The following MTUS2 variants were observed in gnomAD, a reference collection of about 807,000 sequenced individuals.
MTUS2 encodes the protein microtubule-associated tumor suppressor candidate 2.
Under a neutral mutation model 114.1 loss-of-function variants are expected in MTUS2, and 40 were observed. That is an observed-to-expected ratio of 0.35 (90% CI 0.27 to 0.46). The LOEUF (loss-of-function observed/expected upper bound fraction) is 0.46, where lower values mean the gene tolerates loss of function less well. MTUS2 is among the 20% of genes least tolerant of loss of function. MTUS2 has a pLI of 1.00. For missense variants in MTUS2, 1,679 were observed against 1,705.4 expected, an observed-to-expected ratio of 0.98 and a Z score of 0.27; for synonymous variants, 688 against 672.0, an observed-to-expected ratio of 1.02 and a Z score of -0.37.
Position 29,193,520 on chromosome 13 carries a change from G to C in MTUS2, c.2645-88184G>C, listed in dbSNP as rs374250773. ...TGCTTCAAAGAGAATAAAATACCTA[G>C]GAATCCAACTTACAAGGGACGTGAA... On this transcript the variant is annotated intron_variant, in intron 5 of 15. Transcript: ENST00000612955. Among the ~76,000 whole-genome samples, 48 of 152,178 alleles carry C rather than the reference G, an allele frequency of 3.2e-4. No homozygotes were observed. The East Asian group carries it at 6.0e-3, about 19-fold the overall frequency.
chr13:28,905,344 G>A (rs978698067), intron 2 of MTUS2, among the ~76,000 whole-genome samples: 10 of 151,466 alleles, frequency 6.6e-5, no homozygotes, highest in Non-Finnish European at 1.5e-4. Context: ...CTTTTCGAAG[G>A]GAATGCTTCC....
rs1893188984 is a variant in MTUS2, at chr13:29,163,550, G to A, written c.2644+62580G>A. Among the ~76,000 whole-genome samples, 4 of 152,170 alleles carry A rather than the reference G, an allele frequency of 2.6e-5. No homozygotes were observed. The South Asian group carries it at 8.3e-4, about 32-fold the overall frequency. On this transcript the variant is annotated intron_variant, in intron 5 of 15. Transcript: ENST00000612955. ...TGCATATGTGTTCACGTGTGTGCATGTATGTGTTGAGTGTTCACTTGTCCA... is the reference window on the plus strand; with the variant it reads ...TGCATATGTGTTCACGTGTGTGCATATATGTGTTGAGTGTTCACTTGTCCA...
chr13:29,428,980 GT>G, intron 8 of MTUS2: 1 of 1,376,154 alleles, frequency 7.3e-7, no homozygotes, highest in South Asian at 1.2e-5. Context: ...CTCGGTGCCT[GT>G]CCCCCTAGCA....
At chr13:29,382,523 G>T (rs541740855) in intron 8 of MTUS2, among the ~76,000 whole-genome samples, 82 of 152,262 alleles carry the variant, frequency 5.4e-4, no homozygotes, top group African/African-American at 1.9e-3. Context: ...TAGGTCTTTG[G>T]CCCAAAAGAG....
intron 5 of MTUS2, among the ~76,000 whole-genome samples, chr13:29,141,620 A>G (rs960702227): frequency 1.3e-5 from 2 of 152,204 alleles, no homozygotes; most frequent in Non-Finnish European, 2.9e-5. Flanking sequence ...CATACTTAAT[A>G]AGGATAATGT....
rs186455185 is a variant in MTUS2 at position 29,226,296 on chromosome 13, T to G, written c.2645-55408T>G. On this transcript the variant is annotated intron_variant, in intron 5 of 15. Transcript: ENST00000612955. The stretch of plus-strand genomic sequence containing the variant: ...AGGTTTCACCAAATAATATTTGACA[T>G]GTACAGTGAAATTTAACTGCTAAAC... Among the ~76,000 whole-genome samples the G allele has an allele frequency of 2.1e-4, 32 of 152,372 alleles. No homozygotes were observed. In the Middle Eastern group the frequency reaches 0.01, roughly 49 times the overall value.
At chr13:29,257,868 A>AG (rs1897331418) in intron 5 of MTUS2, among the ~76,000 whole-genome samples, 1 of 152,206 alleles carries the variant, frequency 6.6e-6, no homozygotes, top group Non-Finnish European at 1.5e-5. Context: ...GCTTTCCACT[A>AG]GGCAGATGGC....
chr13:29,345,851 T>G (rs111296105), intron 7 of MTUS2, among the ~76,000 whole-genome samples: 11,125 of 152,216 alleles, frequency 0.073, 1,373 homozygotes, highest in African/African-American at 0.25. Context: ...GGGTGCTCCC[T>G]TGATGTGGTG....
At chr13:28,937,151 G>A (rs113704607) in intron 2 of MTUS2, among the ~76,000 whole-genome samples, 3,628 of 150,966 alleles carry the variant, frequency 0.024, 137 homozygotes, top group African/African-American at 0.08. Flanking sequence ...GGAACTTGGA[G>A]AACTTTTCTG....
At chr13:28,959,693 A>T (rs1883233069) in intron 2 of MTUS2, among the ~76,000 whole-genome samples, 1 of 151,916 alleles carries the variant, frequency 6.6e-6, no homozygotes. Flanking sequence ...TTCCAAGTGA[A>T]CTCATAGAGT....
chr13:28,890,250 GTTA>G (rs1212363676), intron 2 of MTUS2, among the ~76,000 whole-genome samples: 1 of 152,150 alleles, frequency 6.6e-6, no homozygotes, highest in African/African-American at 2.4e-5. Flanking sequence ...TGATTTGAGT[GTTA>G]TTATAGCCAT....
chr13:28,859,164 A>T (rs1318907550), intron 2 of MTUS2, among the ~76,000 whole-genome samples: 1 of 152,034 alleles, frequency 6.6e-6, no homozygotes, highest in African/African-American at 2.4e-5. Context: ...CATTTTACAG[A>T]AGGAGAAGTT....
In MTUS2 at chr13:29,148,552, C is replaced by T. The variant is rs1427724728; in HGVS notation, c.2644+47582C>T. ...GGAGTGCAGTGGTGGGACCTCGGCT[C>T]ACTGCAAGCTCCGCCTCCCGGGTTC... On this transcript the variant is annotated intron_variant, in intron 5 of 15. Transcript: ENST00000612955. 3.1e-5 allele frequency among the ~76,000 whole-genome samples: 2 copies of T among 65,314 alleles called. 1 individual carries two copies. The highest frequency in any genetic ancestry group is 8.7e-5 in the Non-Finnish European group (2 of 22,874). The allele number at this position is 65,314 out of a possible 152,430, so 42.8% of individuals were successfully genotyped here.
intron 9 of MTUS2, among the ~76,000 whole-genome samples, chr13:29,475,638 C>CA (rs1332924128): frequency 1.3e-5 from 2 of 150,340 alleles, no homozygotes; most frequent in African/African-American, 4.9e-5. Context: ...TAGTTTTTAA[C>CA]AAAAAAGCTT....
intron 6 of MTUS2, among the ~76,000 whole-genome samples, chr13:29,314,895 T>A (rs1899923299): frequency 6.6e-6 from 1 of 152,230 alleles, no homozygotes; most frequent in African/African-American, 2.4e-5. Context: ...GCAACACTAT[T>A]CACAATAGCC....
At chr13:29,377,486 A>G (rs537750184) in intron 8 of MTUS2, among the ~76,000 whole-genome samples, 1 of 152,312 alleles carries the variant, frequency 6.6e-6, no homozygotes, top group African/African-American at 2.4e-5. Flanking sequence ...GAAAATCTTT[A>G]AACACTTGGA....
intron 2 of MTUS2, among the ~76,000 whole-genome samples, chr13:28,998,296 C>A (rs182063547): frequency 5.3e-5 from 8 of 152,238 alleles, no homozygotes; most frequent in African/African-American, 1.9e-4. Context: ...GTGGGTAACC[C>A]GTCTTTTCTC....
At chr13:28,992,010 G>T (rs558121507) in intron 2 of MTUS2, among the ~76,000 whole-genome samples, 2 of 152,336 alleles carry the variant, frequency 1.3e-5, no homozygotes, top group South Asian at 4.1e-4. Flanking sequence ...AGAGCAGCCA[G>T]CACAGAGCCT....
At position 29,284,114 on chromosome 13, in the gene MTUS2, G is replaced by A. The variant is rs921718574; in HGVS notation, c.2806+2249G>A. ...AATATAGTACATGGAGTGATTCACT[G>A]CAGCACTCTTTGAAGTAGAAAAAGA... On this transcript the variant is annotated intron_variant, in intron 6 of 15. Transcript: ENST00000612955. Among the ~76,000 whole-genome samples, 4 of 152,144 alleles carry A rather than the reference G, an allele frequency of 2.6e-5. No homozygotes were observed. In the South Asian group the frequency reaches 8.3e-4, roughly 32 times the overall value.
Sources: allele counts gnomAD v4.1 joint callset (sites outside exome capture counted in the v4.1 genomes callset), GRCh38; gene constraint gnomAD v4.1.1; transcripts MANE v1.5; gene names NCBI Gene and HGNC (gene_info 2026-07-23, HGNC 2026-07-21).